IGDCC3: variants seen among roughly 807,000 people sequenced by gnomAD.
IGDCC3 encodes the protein putative neuronal cell adhesion molecule.
IGDCC3 carries 47 observed loss-of-function variants against 72.0 expected under a neutral mutation model. The ratio of observed to expected loss-of-function variants is 0.65; its 90% CI spans 0.52 to 0.83. The LOEUF is 0.83. IGDCC3 is among the 40% of genes least tolerant of loss of function. The pLI, the probability that IGDCC3 is intolerant of heterozygous loss-of-function variation, is 0.00. For synonymous variants in IGDCC3, 477 were observed against 472.8 expected, an observed-to-expected ratio of 1.01 and a Z score of -0.11; for missense variants, 1,038 against 1,091.3, an observed-to-expected ratio of 0.95 and a Z score of 0.69.
intron 2 of IGDCC3, among the ~76,000 whole-genome samples, chr15:65,367,123 C>T (rs1048192506): frequency 7.9e-5 from 12 of 152,078 alleles, no homozygotes; most frequent in East Asian, 3.8e-4. Flanking sequence ...GTAGGTGGAT[C>T]GCTTGAGGAT....
Position 65,377,970 on chromosome 15 carries a change from T to G in IGDCC3, c.-182A>C, listed in dbSNP as rs2091371193. On this transcript the variant is annotated 5_prime_UTR_variant, in exon 1 of 14. Transcript: ENST00000327987. The surrounding 1 kb of genome is among the most constrained non-coding windows in gnomAD (Gnocchi z 4.9). ...CGGGGGGCGCAGGGGGAGCGCCGCTTGCGCCATCTTGCACCCACCCGGGCG... is the reference window on the plus strand; with the variant it reads ...CGGGGGGCGCAGGGGGAGCGCCGCTGGCGCCATCTTGCACCCACCCGGGCG... 10 of 389,740 alleles carry G rather than the reference T, an allele frequency of 2.6e-5. No individual in the cohort carries two copies. The highest frequency in any genetic ancestry group is 3.5e-5 in the Non-Finnish European group (10 of 282,042). The allele number at this position is 389,740 out of a possible 1,614,324, so 24.1% of individuals were successfully genotyped here. A position where few individuals can be genotyped will look rare whatever the true frequency, so the allele number is the denominator to read the frequency against.
chr15:65,366,851 C>T (rs1481822814), intron 2 of IGDCC3, among the ~76,000 whole-genome samples: 1 of 86,478 alleles, frequency 1.2e-5, no homozygotes, highest in Non-Finnish European at 2.3e-5. Flanking sequence ...CAGGTGCCCA[C>T]AGAAAGCCCT....
chr15:65,376,508 G>T (rs2091359589), intron 1 of IGDCC3, among the ~76,000 whole-genome samples: 1 of 152,232 alleles, frequency 6.6e-6, no homozygotes, highest in Non-Finnish European at 1.5e-5. Flanking sequence ...CCCCTCCCCA[G>T]CAGACTAGGG....
chr15:65,347,863 G>A (rs1026086787), intron 2 of IGDCC3, among the ~76,000 whole-genome samples: 1 of 152,172 alleles, frequency 6.6e-6, no homozygotes. Context: ...TTGAACCTGG[G>A]AGGCAAAGGT....
intron 2 of IGDCC3, among the ~76,000 whole-genome samples, chr15:65,368,193 CA>C (rs2091300788): frequency 8.2e-6 from 1 of 121,444 alleles, no homozygotes; most frequent in Admixed American, 8.5e-5. Context: ...CACACACACA[CA>C]CACACCAGCC....
chr15:65,338,607 T>C (rs2140144511), intron 2 of IGDCC3, among the ~76,000 whole-genome samples: 1 of 152,142 alleles, frequency 6.6e-6, no homozygotes, highest in South Asian at 2.1e-4. Flanking sequence ...AGGGAGGGTG[T>C]GGTCCTCTTC....
At position 65,331,945 on chromosome 15, in the gene IGDCC3, T is replaced by G. The variant is rs1243068602; in HGVS notation, c.1144A>C (p.Asn382His). 6.2e-7 allele frequency: 1 copy of G among 1,613,180 alleles called. No individual in the cohort carries two copies. Among genetic ancestry groups the G allele is most frequent in the Non-Finnish European group, 8.5e-7 (1 of 1,179,938 alleles). Residue 382 changes from asparagine to histidine, a missense_variant, in exon 7 of 14, where the codon AAC becomes CAC. Transcript: ENST00000327987. ...PGGHVRLKNN[N>H]STLTISGIGP... Reference sequence around the variant, plus strand: ...CAGCACACACCACACACATACCTGTTGTTATTCTTGAGCCTGACGTGGCCT... The same window carrying G: ...CAGCACACACCACACACATACCTGTGGTTATTCTTGAGCCTGACGTGGCCT...
At position 65,339,105 on chromosome 15, in the gene IGDCC3, G is replaced by A. The variant is rs144459159; in HGVS notation, c.410-3149C>T. Among the ~76,000 whole-genome samples the A allele has an allele frequency of 0.039, 5,869 of 151,926 alleles. 177 individuals carry two copies. Among genetic ancestry groups the A allele is most frequent in the Non-Finnish European group, 0.064 (4,323 of 67,916 alleles). On this transcript the variant is annotated intron_variant, in intron 2 of 13. Transcript: ENST00000327987. The surrounding 1 kb of genome is among the most constrained non-coding windows in gnomAD (Gnocchi z 4.1). Reference sequence around the variant, plus strand: ...TCTTTTTTCTTTTTCTTTTTGAGACGGAATCTTGCTCTGTCACCCAGGCTG... The same window carrying A: ...TCTTTTTTCTTTTTCTTTTTGAGACAGAATCTTGCTCTGTCACCCAGGCTG...
chr15:65,345,546 C>T (rs147897444), intron 2 of IGDCC3, among the ~76,000 whole-genome samples: 1 of 150,804 alleles, frequency 6.6e-6, no homozygotes, highest in Non-Finnish European at 1.5e-5. Flanking sequence ...AGAGTGAGAC[C>T]CTGTCTCACA....
chr15:65,331,902 C>T, intron 7 of IGDCC3, 39 bp downstream of exon 7: 2 of 1,588,492 alleles, frequency 1.3e-6, no homozygotes, highest in Non-Finnish European at 1.7e-6. Context: ...TTTCCCTGCT[C>T]TCCCCTGGTC....
chr15:65,328,984 A>AG lies in IGDCC3; in HGVS notation c.2369dup (p.Gly791TrpfsTer5). On this transcript the variant is annotated frameshift_variant, in exon 14 of 14. Coordinates refer to ENST00000327987, the MANE Select transcript of IGDCC3 (RefSeq NM_004884.4). LOFTEE classifies it low-confidence loss of function (END_TRUNC). ...AAGCCTGGCCTTCACTGAGGAGGCC[A>AG]GGGCCTCCATCTGGGGGTGGTGGGG... The AG allele has an allele frequency of 6.2e-7, 1 of 1,608,528 alleles. No homozygotes were observed. The highest frequency in any genetic ancestry group is 8.5e-7 in the Non-Finnish European group (1 of 1,177,774).
At chr15:65,347,756 C>T (rs1054097063) in intron 2 of IGDCC3, among the ~76,000 whole-genome samples, 1 of 152,016 alleles carries the variant, frequency 6.6e-6, no homozygotes, top group Non-Finnish European at 1.5e-5. Flanking sequence ...CATGGCGAAA[C>T]CCTGTCCTTA....
At chr15:65,368,621 A>T (rs1406778271) in intron 2 of IGDCC3, among the ~76,000 whole-genome samples, 1 of 152,088 alleles carries the variant, frequency 6.6e-6, no homozygotes, top group Non-Finnish European at 1.5e-5. Flanking sequence ...CTAGCTAGAG[A>T]GTAAAGCCCA....
Position 65,329,290 on chromosome 15 carries a change from C to T in IGDCC3, c.2205+100G>A. On this transcript the variant is annotated intron_variant, in intron 13 of 13. Transcript: ENST00000327987. This position sits in a 1 kb window ranked among gnomAD's most constrained non-coding sequence, Gnocchi z 4.1. ...GAGAAGACCTGCAGTTTGACTAAGG[C>T]CAATGATCGAGGCCCGTGGCCAAGG... 6.8e-7 allele frequency: 1 copy of T among 1,477,520 alleles called. No individual in the cohort carries two copies. Among genetic ancestry groups the T allele is most frequent in the South Asian group, 1.3e-5 (1 of 76,382 alleles). The allele number at this position is 1,477,520 out of a possible 1,614,324, so 91.5% of individuals were successfully genotyped here.
intron 2 of IGDCC3, among the ~76,000 whole-genome samples, chr15:65,345,326 G>C (rs2091115902): frequency 1.3e-5 from 2 of 151,964 alleles, no homozygotes; most frequent in Admixed American, 6.6e-5. Context: ...GGCTGAGGTG[G>C]GCAGATCGCT....
intron 2 of IGDCC3, among the ~76,000 whole-genome samples, chr15:65,367,246 T>C (rs1595764912): frequency 6.7e-6 from 1 of 149,696 alleles, no homozygotes; most frequent in East Asian, 2.0e-4. Context: ...TTAGAGAGGC[T>C]GAGGCAGGAG....
chr15:65,332,222 C>A, intron 6 of IGDCC3, 116 bp from the exon 7 acceptor site: 2 of 1,242,484 alleles, frequency 1.6e-6, no homozygotes, highest in South Asian at 1.5e-5. Context: ...GGGCTCCAAA[C>A]ACACATCTGC....
intron 2 of IGDCC3, among the ~76,000 whole-genome samples, chr15:65,345,991 C>T (rs567532349): frequency 6.6e-6 from 1 of 152,274 alleles, no homozygotes; most frequent in African/African-American, 2.4e-5. Context: ...ACTGATGGGG[C>T]CTAGACTCAC....
intron 2 of IGDCC3, among the ~76,000 whole-genome samples, chr15:65,370,590 A>G (rs895343315): frequency 8.1e-6 from 1 of 124,006 alleles, no homozygotes; most frequent in Non-Finnish European, 1.6e-5. Flanking sequence ...ATATGTATGT[A>G]TATATATGTA....
Sources: gnomAD v4.1 joint callset for allele counts (sites outside exome capture counted in the v4.1 genomes callset) on GRCh38, gnomAD v4.1.1 for gene constraint, Gnocchi (gnomAD v3.1) non-coding constraint, MANE v1.5 for transcripts, NCBI Gene and HGNC (gene_info 2026-07-23, HGNC 2026-07-21) for gene names.